The following STARD6 variants were observed in gnomAD, a reference collection of about 807,000 sequenced individuals.
The protein encoded by STARD6 is StAR related lipid transfer domain containing 6.
A neutral mutation model predicts 22.3 loss-of-function variants in STARD6; 21 were observed. The ratio of observed to expected loss-of-function variants is 0.94; its 90% CI spans 0.67 to 1.35. The LOEUF (loss-of-function observed/expected upper bound fraction) is 1.35. Ranked by LOEUF, STARD6 falls within the 40% of genes most tolerant of loss-of-function variation. The pLI is 0.00. For synonymous variants in STARD6, 80 were observed against 88.1 expected, an observed-to-expected ratio of 0.91 and a Z score of 0.52; for missense variants, 269 against 266.9, an observed-to-expected ratio of 1.01 and a Z score of -0.05.
At chr18:54,324,931 A>T (rs2088811427) in intron 7 of STARD6, 56 bp from the exon 8 acceptor site, 2 of 1,391,862 alleles carry the variant, frequency 1.4e-6, no homozygotes, top group African/African-American at 3.0e-5. Flanking sequence ...TTAACTACTG[A>T]CTTTACAGGT....
chr18:54,340,736 A>G (rs2088961692), intron 4 of STARD6, among the ~76,000 whole-genome samples: 1 of 152,196 alleles, frequency 6.6e-6, no homozygotes, highest in Non-Finnish European at 1.5e-5. Flanking sequence ...CTTGCTGTCT[A>G]TAAAAGATAC....
At chr18:54,347,660 G>C (rs1349378723) in intron 4 of STARD6, among the ~76,000 whole-genome samples, 1 of 152,004 alleles carries the variant, frequency 6.6e-6, no homozygotes, top group Non-Finnish European at 1.5e-5. Flanking sequence ...AAAATGTTAA[G>C]TTTAGGAAGA....
chr18:54,344,597 A>AAAAG (rs1555681375), intron 4 of STARD6, among the ~76,000 whole-genome samples: 4 of 128,622 alleles, frequency 3.1e-5, no homozygotes, highest in Admixed American at 7.4e-5. Context: ...AAAAAAAAAA[A>AAAAG]AAAAGAAAAT....
intron 4 of STARD6, among the ~76,000 whole-genome samples, chr18:54,351,788 T>G (rs1215651637): frequency 6.6e-6 from 1 of 152,142 alleles, no homozygotes; most frequent in African/African-American, 2.4e-5. Context: ...ATCCTGGGTA[T>G]GAAATGCATT....
intron 4 of STARD6, among the ~76,000 whole-genome samples, chr18:54,344,263 T>G (rs1377915340): frequency 3.8e-5 from 1 of 26,582 alleles, no homozygotes; most frequent in African/African-American, 2.7e-4. Context: ...CCTGTTGATC[T>G]GTGACCTTAC....
chr18:54,350,010 T>C (rs2089080507), intron 4 of STARD6, among the ~76,000 whole-genome samples: 1 of 152,172 alleles, frequency 6.6e-6, no homozygotes, highest in Non-Finnish European at 1.5e-5. Flanking sequence ...AGTAGTGGGG[T>C]TGCTGGATCA....
In STARD6 at chr18:54,356,433, A is replaced by C. The variant is rs1012598812; in HGVS notation, c.-77T>G. On this transcript the variant is annotated 5_prime_UTR_variant, in exon 2 of 8. The change abolishes an upstream ATG in the 5' untranslated region. Transcript: ENST00000307844. ...TCTCCAAATCCTTGTGGAAATCTCC[A>C]TATCTCTTAACCTGTGAGGAAACAA... is the stretch of plus-strand genomic sequence containing the variant. 1 of 152,188 alleles carries C rather than the reference A, an allele frequency of 6.6e-6. No homozygotes were observed. Among genetic ancestry groups the C allele is most frequent in the Non-Finnish European group, 1.5e-5 (1 of 68,032 alleles). The allele number at this position is 152,188 out of a possible 1,614,324, so 9.4% of individuals were successfully genotyped here.
At chr18:54,347,051 G>A (rs1006157980) in intron 4 of STARD6, among the ~76,000 whole-genome samples, 3 of 152,100 alleles carry the variant, frequency 2.0e-5, no homozygotes, top group South Asian at 4.1e-4. Flanking sequence ...GAAATTTAGG[G>A]TACATAAATT....
intron 7 of STARD6, among the ~76,000 whole-genome samples, chr18:54,327,250 T>C (rs1401416321): frequency 2.6e-5 from 4 of 152,232 alleles, no homozygotes; most frequent in African/African-American, 4.8e-5. Context: ...TTTTTAATTT[T>C]GATCAATATA....
chr18:54,329,476 C>T, intron 6 of STARD6, 36 bp from the exon 7 acceptor site: 4 of 1,496,050 alleles, frequency 2.7e-6, no homozygotes, highest in Non-Finnish European at 2.7e-6. Context: ...GAAACCTATT[C>T]ACAAAGAGGA....
At chr18:54,328,038 G>A (rs2088838179) in intron 7 of STARD6, among the ~76,000 whole-genome samples, 1 of 152,012 alleles carries the variant, frequency 6.6e-6, no homozygotes, top group Non-Finnish European at 1.5e-5. Context: ...GTGTATTCAG[G>A]CTGTATAGGC....
chr18:54,333,593 C>T (rs893357903), intron 5 of STARD6, among the ~76,000 whole-genome samples: 1 of 152,158 alleles, frequency 6.6e-6, no homozygotes, highest in African/African-American at 2.4e-5. Flanking sequence ...AGATCATGGA[C>T]ATGTGTTTTC....
chr18:54,337,313 A>T (rs1019011640), intron 4 of STARD6, 62 bp from the exon 5 acceptor site: 22 of 1,492,116 alleles, frequency 1.5e-5, no homozygotes, highest in Non-Finnish European at 1.5e-5. Context: ...CTGAAAATAT[A>T]ATACTATCAA....
At chr18:54,328,099 AC>A (rs1369605258) in intron 7 of STARD6, among the ~76,000 whole-genome samples, 1 of 152,134 alleles carries the variant, frequency 6.6e-6, no homozygotes, top group African/African-American at 2.4e-5. Context: ...GATTAAAAAA[AC>A]CATGGTGTAT....
chr18:54,340,785 G>T lies in STARD6; in HGVS notation c.141-3534C>A, dbSNP rs149464339. On this transcript the variant is annotated intron_variant, in intron 4 of 7. Transcript: ENST00000307844. ...AGATACATATAGGTGAATGTAAAAG[G>T]CTTGAAAAAGATACACCCTGTAAAT... 5.9e-3 allele frequency among the ~76,000 whole-genome samples: 891 copies of T among 152,276 alleles called. 4 individuals carry two copies. Among genetic ancestry groups the T allele is most frequent in the Non-Finnish European group, 9.3e-3 (631 of 68,010 alleles).
In STARD6 at chr18:54,331,850, T is replaced by C. The variant is rs1345048517; in HGVS notation, c.277A>G (p.Ile93Val). The change falls in exon 6 of 8, where the codon ATA becomes GTA. Residue 93 changes from isoleucine (I) to valine (V), a missense_variant. By Grantham distance (29) the Ile-to-Val change is conservative (BLOSUM62 3). Transcript: ENST00000307844. ...MVHRIDSDTFICHTITQSFAV... is the reference protein window; with the variant it reads ...MVHRIDSDTFVCHTITQSFAV... ...AAACTTTGTGTAATGGTATGACATATGAATGTGTCCTGCAACAAATCAAAC... is the reference window on the plus strand; with the variant it reads ...AAACTTTGTGTAATGGTATGACATACGAATGTGTCCTGCAACAAATCAAAC... 2 of 1,603,396 alleles carry C rather than the reference T, an allele frequency of 1.2e-6. No homozygotes were observed. Among genetic ancestry groups the C allele is most frequent in the East Asian group, 2.2e-5 (1 of 44,834 alleles).
At chr18:54,345,389 T>C (rs1426144883) in intron 4 of STARD6, among the ~76,000 whole-genome samples, 5 of 152,178 alleles carry the variant, frequency 3.3e-5, no homozygotes, top group Non-Finnish European at 5.9e-5. Context: ...TACTGAAACT[T>C]ATAAAACATT....
chr18:54,336,495 T>C (rs532599255), intron 5 of STARD6, among the ~76,000 whole-genome samples: 1 of 152,302 alleles, frequency 6.6e-6, no homozygotes, highest in South Asian at 2.1e-4. Flanking sequence ...CAATTAAACC[T>C]CTTTCCTTTA....
intron 4 of STARD6, among the ~76,000 whole-genome samples, chr18:54,350,769 C>T (rs1239927996): frequency 2.0e-5 from 3 of 152,032 alleles, no homozygotes; most frequent in Non-Finnish European, 2.9e-5. Context: ...TTTTTGTTTA[C>T]TTTGTTGTGG....
Sources: gnomAD v4.1 joint callset for allele counts (sites outside exome capture counted in the v4.1 genomes callset) on GRCh38, gnomAD v4.1.1 for gene constraint, MANE v1.5 for transcripts, NCBI Gene and HGNC (gene_info 2026-07-23, HGNC 2026-07-21) for gene names.